Variants in TMEM236 observed in about 807,000 individuals in gnomAD.
TMEM236 encodes the protein transmembrane protein 236, also known as family with sequence similarity 23, member A.
TMEM236 carries 11 observed loss-of-function variants against 14.7 expected under a neutral mutation model. The observed-to-expected ratio is 0.75, with a 90% CI of 0.47 to 1.24. The LOEUF (loss-of-function observed/expected upper bound fraction) is 1.24, where lower values mean the gene tolerates loss of function less well. TMEM236 is among the 50% of genes most tolerant of loss of function. The probability of loss-of-function intolerance (pLI) is 0.00; values close to 1 mark genes in which losing one functional copy is unlikely to be tolerated. For synonymous variants in TMEM236, 182 were observed against 168.6 expected (o/e 1.08, Z -0.62); for missense variants, 464 against 427.3 (o/e 1.09, Z -0.76).
At chr10:17,771,042 T>C (rs1260046877) in intron 1 of TMEM236, among the ~76,000 whole-genome samples, 1 of 152,232 alleles carries the variant, frequency 6.6e-6, no homozygotes, top group Non-Finnish European at 1.5e-5. Flanking sequence ...TTGAATGTCA[T>C]TTGACTTGCG....
In TMEM236 at chr10:17,783,893, T is replaced by C. The variant is rs1163231601; in HGVS notation, c.472+7723T>C. ...CTTTTAAATCATATATTTAGGTCTT[T>C]GATCTGTTTTTATGTTGGTATGGCC... On this transcript the variant is annotated intron_variant, in intron 3 of 3. Transcript: ENST00000377495. 2.6e-5 allele frequency among the ~76,000 whole-genome samples: 4 copies of C among 152,200 alleles called. No individual in the cohort carries two copies. In the East Asian group the frequency reaches 5.8e-4, roughly 22 times the overall value.
At chr10:17,794,434 G>A (rs1316290716) in intron 3 of TMEM236, among the ~76,000 whole-genome samples, 1 of 152,120 alleles carries the variant, frequency 6.6e-6, no homozygotes, top group East Asian at 1.9e-4. Flanking sequence ...TATACCTTCT[G>A]TGCATAAAAA....
rs973873106 is a variant in TMEM236, at chr10:17,758,504, C to A, written c.257+5952C>A. 7.9e-5 allele frequency among the ~76,000 whole-genome samples: 12 copies of A among 152,224 alleles called. No individual in the cohort carries two copies. In the East Asian group the frequency reaches 2.3e-3, roughly 29 times the overall value. On this transcript the variant is annotated intron_variant, in intron 1 of 3. Coordinates refer to ENST00000377495, the MANE Select transcript of TMEM236 (RefSeq NM_001098844.3). ...ATGTGAGTTATTTGAATTCTTTGAG[C>A]CTTAATTTTTTCGTGAGCAAAACAG...
intron 2 of TMEM236, among the ~76,000 whole-genome samples, chr10:17,773,801 T>C (rs1294104736): frequency 6.8e-6 from 1 of 146,410 alleles, no homozygotes; most frequent in Non-Finnish European, 1.5e-5. Context: ...GAAGACTTAT[T>C]TTCATATTCA....
At chr10:17,771,829 A>G (rs1554834869) in intron 2 of TMEM236, among the ~76,000 whole-genome samples, 1 of 152,224 alleles carries the variant, frequency 6.6e-6, no homozygotes, top group African/African-American at 2.4e-5. Context: ...TACTGAGTTT[A>G]TGTTTTGACT....
In TMEM236 at chr10:17,771,296, T is replaced by C; in HGVS notation, c.258-13T>C. 3 of 1,613,644 alleles carry C rather than the reference T, an allele frequency of 1.9e-6. No homozygotes were observed. Among genetic ancestry groups the C allele is most frequent in the Non-Finnish European group, 2.5e-6 (3 of 1,179,550 alleles). On this transcript the variant is annotated splice_polypyrimidine_tract_variant and intron_variant, in intron 1 of 3. Transcript: ENST00000377495. ...TCCATGATTGCTTTGGCTTATTTTT[T>C]CTCCTTTGCTAGGAGACCTGTTCTG...
intron 3 of TMEM236, among the ~76,000 whole-genome samples, chr10:17,794,601 A>T (rs1837979579): frequency 6.6e-6 from 1 of 152,134 alleles, no homozygotes; most frequent in Non-Finnish European, 1.5e-5. Flanking sequence ...CATTCAGATC[A>T]CTGGTGTGTT....
intron 1 of TMEM236, among the ~76,000 whole-genome samples, chr10:17,768,420 T>G (rs1837510931): frequency 6.6e-6 from 1 of 152,190 alleles, no homozygotes; most frequent in South Asian, 2.1e-4. Context: ...CTTTAGGTAA[T>G]TTTTAAAATT....
In TMEM236 at chr10:17,752,380, G is replaced by C. The variant is rs971453977; in HGVS notation, c.85G>C (p.Glu29Gln). ...AFSIPTLVITEQFATAYQGTR... is the reference protein window; with the variant it reads ...AFSIPTLVITQQFATAYQGTR... ...CTCCATCCCCACACTCGTGATCACA[G>C]AACAGTTTGCCACCGCCTACCAAGG... Residue 29 changes from glutamate to glutamine, a missense_variant, in exon 1 of 4, where the codon GAA becomes CAA. Coordinates refer to ENST00000377495, the MANE Select transcript of TMEM236 (RefSeq NM_001098844.3). The C allele has an allele frequency of 4.0e-5, 64 of 1,613,858 alleles. No homozygotes were observed. In the African/African-American group the frequency reaches 7.9e-4, roughly 20 times the overall value.
chr10:17,776,061 C>G lies in TMEM236; in HGVS notation c.363C>G (p.Val121=). 10 of 1,613,874 alleles carry G rather than the reference C, an allele frequency of 6.2e-6. No individual in the cohort carries two copies. The highest frequency in any genetic ancestry group is 8.5e-6 in the Non-Finnish European group (10 of 1,179,824). The part of the protein sequence containing the change: ...VQKSINGSAD[V]LPDMLPDLPV... ...AGAGCATTAATGGGTCCGCTGATGT[C>G]TTACCTGATATGTTACCTGACCTGC... is the stretch of plus-strand genomic sequence containing the variant. Residue 121 remains valine, a synonymous_variant, in exon 3 of 4, where the codon GTC becomes GTG. Transcript: ENST00000377495.
intron 2 of TMEM236, among the ~76,000 whole-genome samples, chr10:17,773,562 T>C (rs1276941101): frequency 1.3e-5 from 2 of 152,166 alleles, no homozygotes; most frequent in Non-Finnish European, 2.9e-5. Flanking sequence ...GGTCTCGAAC[T>C]CCTGACCTCA....
In TMEM236 at chr10:17,793,413, G is replaced by C. The variant is rs1047046705; in HGVS notation, c.473-2508G>C. On this transcript the variant is annotated intron_variant, in intron 3 of 3. Transcript: ENST00000377495. ...TATGACAGTTTCACCTACCAAGAGA[G>C]GGGAACAAAAGTTCTCTAGGACATG... Among the ~76,000 whole-genome samples the C allele has an allele frequency of 6.6e-5, 10 of 152,278 alleles. No homozygotes were observed. In the East Asian group the frequency reaches 1.9e-3, roughly 29 times the overall value.
At chr10:17,762,594 TATATATATATATATATATATATATAC>T (rs1196157700) in intron 1 of TMEM236, among the ~76,000 whole-genome samples, 18 of 74,248 alleles carry the variant, frequency 2.4e-4, no homozygotes, top group African/African-American at 1.2e-3. Flanking sequence ...TATATATATA[TATATATATATATATATATATATATAC>T]ACACATACAT....
Position 17,781,121 on chromosome 10 carries a change from A to G in TMEM236, c.472+4951A>G, listed in dbSNP as rs529689840. 5.7e-3 allele frequency among the ~76,000 whole-genome samples: 860 copies of G among 152,150 alleles called. 13 individuals are homozygous for G. Among genetic ancestry groups the G allele is most frequent in the African/African-American group, 0.02 (818 of 41,504 alleles). On this transcript the variant is annotated intron_variant, in intron 3 of 3. Coordinates refer to ENST00000377495, the MANE Select transcript of TMEM236 (RefSeq NM_001098844.3). ...GCCTAGTCCCAGGTGGCCTTTTCCT[A>G]TTGGCACAGCTGCCAGCATTCACCT...
At chr10:17,756,354 A>G (rs1428085312) in intron 1 of TMEM236, among the ~76,000 whole-genome samples, 3 of 151,662 alleles carry the variant, frequency 2.0e-5, no homozygotes, top group Non-Finnish European at 4.4e-5. Context: ...TGGAGTGCAG[A>G]GGAGCGATCT....
At chr10:17,786,775 C>T (rs1554835732) in intron 3 of TMEM236, among the ~76,000 whole-genome samples, 1 of 152,198 alleles carries the variant, frequency 6.6e-6, no homozygotes, top group East Asian at 1.9e-4. Flanking sequence ...CCACCCAAAT[C>T]TCAACTTGAA....
chr10:17,795,951 C>G lies in TMEM236; in HGVS notation c.503C>G (p.Ser168Cys). 2 of 1,613,948 alleles carry G rather than the reference C, an allele frequency of 1.2e-6. No individual in the cohort carries two copies. Among genetic ancestry groups the G allele is most frequent in the African/African-American group, 1.3e-5 (1 of 75,018 alleles). ...GAAAATGGACACATCCATTCAACCT[C>G]TTTGCAACACATAAAAACTGTGACG... ...SSENGHIHST[S>C]LQHIKTVTEQ... The change falls in exon 4 of 4, where the codon TCT (serine) becomes TGT (cysteine). Residue 168 changes from serine to cysteine, a missense_variant. Coordinates refer to ENST00000377495, the MANE Select transcript of TMEM236 (RefSeq NM_001098844.3).
intron 3 of TMEM236, among the ~76,000 whole-genome samples, chr10:17,778,007 G>C (rs1354561687): frequency 6.6e-6 from 1 of 152,196 alleles, no homozygotes; most frequent in African/African-American, 2.4e-5. Context: ...CCAAAGTGCT[G>C]GGATTACAGG....
chr10:17,800,647 G>A lies in TMEM236; in HGVS notation c.*4143G>A, dbSNP rs1838079670. 6.6e-6 allele frequency: 1 copy of A among 152,142 alleles called. No individual in the cohort carries two copies. The highest frequency in any genetic ancestry group is 2.4e-5 in the African/African-American group (1 of 41,424). 9.4% of individuals were successfully genotyped at this position (152,142 alleles called of 1,614,324 possible). ...TGTTTGCCTAATACATAATTGCCTT[G>A]TGCTGTGTACCTTGGAGCAGGGCCT... On this transcript the variant is annotated 3_prime_UTR_variant, in exon 4 of 4. Coordinates refer to ENST00000377495, the MANE Select transcript of TMEM236 (RefSeq NM_001098844.3).
Sources: gnomAD v4.1 joint callset for allele counts (sites outside exome capture counted in the v4.1 genomes callset) on GRCh38, gnomAD v4.1.1 for gene constraint, MANE v1.5 for transcripts, NCBI Gene and HGNC (gene_info 2026-07-23, HGNC 2026-07-21) for gene names.